CYP2J2: variants seen among roughly 807,000 people sequenced by gnomAD.
The protein encoded by CYP2J2 is cytochrome P450 family 2 subfamily J member 2, also known as cytochrome P450 2J2.
CYP2J2 carries 41 observed loss-of-function variants against 48.8 expected under a neutral mutation model. The observed-to-expected ratio is 0.84, with a 90% CI of 0.66 to 1.09. The LOEUF is 1.09. Ranked by LOEUF, CYP2J2 falls within the 50% of genes least tolerant of loss-of-function variation. The probability of loss-of-function intolerance (pLI) is 0.00; values close to 1 mark genes in which losing one functional copy is unlikely to be tolerated. For synonymous variants in CYP2J2, 221 were observed against 227.1 expected (o/e 0.97, Z 0.24); for missense variants, 644 against 617.3 (o/e 1.04, Z -0.46).
At chr1:59,927,053 C>A (rs1358407481), upstream of CYP2J2, among the ~76,000 whole-genome samples, 1 of 152,176 alleles carries the variant, frequency 6.6e-6, no homozygotes, top group Non-Finnish European at 1.5e-5. Context: ...TGGTAAACAG[C>A]GATAACAACA....
chr1:59,945,340 ATCT>A, the CYP2J2 span, among the ~76,000 whole-genome samples: 1 of 151,882 alleles, frequency 6.6e-6, no homozygotes, highest in Non-Finnish European at 1.5e-5. Context: ...TAACTAATCT[ATCT>A]TCTTCCTACT....
chr1:59,954,897 G>A, the CYP2J2 span, among the ~76,000 whole-genome samples: 1 of 152,118 alleles, frequency 6.6e-6, no homozygotes, highest in South Asian at 2.1e-4. Context: ...AGCACTTTGG[G>A]AGGATGAGGT....
intron 8 of CYP2J2, 127 bp downstream of exon 8, chr1:59,900,838 A>C: frequency 2.8e-6 from 3 of 1,070,530 alleles, no homozygotes; most frequent in Non-Finnish European, 4.1e-6. Context: ...CTACAGCAAG[A>C]TGGAGTGAGT....
At chr1:59,933,127 A>C in the CYP2J2 span, among the ~76,000 whole-genome samples, 1 of 152,236 alleles carries the variant, frequency 6.6e-6, no homozygotes, top group African/African-American at 2.4e-5. Flanking sequence ...AGGTACTTGC[A>C]CTACCCATAA....
At chr1:59,907,706 C>A in intron 6 of CYP2J2, 80 bp downstream of exon 6, 1 of 1,502,954 alleles carries the variant, frequency 6.7e-7, no homozygotes, top group South Asian at 1.2e-5. Flanking sequence ...ACAATGCTAT[C>A]TTCTGGCCCC....
chr1:59,969,003 T>C, the CYP2J2 span, among the ~76,000 whole-genome samples: 4 of 151,876 alleles, frequency 2.6e-5, no homozygotes, highest in East Asian at 1.9e-4. Context: ...TCGCCGTGAG[T>C]GTTAACAGCT....
At chr1:59,958,034 C>A in the CYP2J2 span, among the ~76,000 whole-genome samples, 2 of 152,138 alleles carry the variant, frequency 1.3e-5, no homozygotes, top group East Asian at 3.9e-4. Context: ...CTTGACAAGA[C>A]AATATGGTCT....
At chr1:59,945,088 T>G in the CYP2J2 span, among the ~76,000 whole-genome samples, 1 of 152,156 alleles carries the variant, frequency 6.6e-6, no homozygotes, top group Non-Finnish European at 1.5e-5. Context: ...TCAAACTTTT[T>G]TGGGGAGTGG....
chr1:59,902,334 G>C (rs1352959071), intron 7 of CYP2J2, among the ~76,000 whole-genome samples: 1 of 152,034 alleles, frequency 6.6e-6, no homozygotes, highest in African/African-American at 2.4e-5. Flanking sequence ...AGCATTTCAG[G>C]TATGTAGTGT....
chr1:59,907,357 G>A (rs1367355131), intron 6 of CYP2J2, among the ~76,000 whole-genome samples: 1 of 152,166 alleles, frequency 6.6e-6, no homozygotes, highest in African/African-American at 2.4e-5. Flanking sequence ...TGGAGGGTAG[G>A]TGCGGCCAAG....
chr1:59,965,627 G>C, the CYP2J2 span, among the ~76,000 whole-genome samples: 69 of 152,290 alleles, frequency 4.5e-4, 1 homozygote, highest in East Asian at 0.01. Flanking sequence ...ACTTGGTGCT[G>C]TGGCATTACT....
chr1:59,950,280 C>T, the CYP2J2 span, among the ~76,000 whole-genome samples: 1 of 152,148 alleles, frequency 6.6e-6, no homozygotes, highest in Non-Finnish European at 1.5e-5. Context: ...TAAGTAGGTA[C>T]AGGTACAGAA....
the CYP2J2 span, among the ~76,000 whole-genome samples, chr1:59,953,687 G>A: frequency 6.6e-6 from 1 of 152,046 alleles, no homozygotes; most frequent in African/African-American, 2.4e-5. Flanking sequence ...GCCACGTGAG[G>A]GTATTAGAGA....
intron 1 of CYP2J2, among the ~76,000 whole-genome samples, chr1:59,919,424 TGTGTGCACATGTGCAC>T (rs1452359375): frequency 1.3e-5 from 2 of 152,212 alleles, no homozygotes; most frequent in African/African-American, 2.4e-5. Context: ...TGTATGTGTG[TGTGTGCACATGTGCAC>T]GTGTGCACGC....
Position 59,926,681 on chromosome 1 carries a change from T to C in CYP2J2, c.66A>G (p.Leu22=). 2 of 1,614,136 alleles carry C rather than the reference T, an allele frequency of 1.2e-6. No individual in the cohort carries two copies. The highest frequency in any genetic ancestry group is 8.5e-7 in the Non-Finnish European group (1 of 1,179,982). Residue 22 remains leucine, a synonymous_variant, in exon 1 of 9, where the codon CTA becomes CTG. Transcript: ENST00000371204. The part of the protein sequence containing the change: ...LWAVVHPRTL[L]LGTVAFLLAA... ...CGAGCAGAAAGGCGACAGTGCCCAG[T>C]AGGAGAGTCCGAGGATGGACCACTG... is the stretch of plus-strand genomic sequence containing the variant.
At chr1:59,932,401 T>C in the CYP2J2 span, among the ~76,000 whole-genome samples, 3 of 152,082 alleles carry the variant, frequency 2.0e-5, no homozygotes, top group Admixed American at 1.3e-4. Context: ...CAATTTAGAG[T>C]GTTTTGTGTT....
chr1:59,915,934 T>G lies in CYP2J2; in HGVS notation c.373+4A>C. The G allele has an allele frequency of 2.5e-6, 4 of 1,611,552 alleles. No individual in the cohort carries two copies. Among genetic ancestry groups the G allele is most frequent in the Non-Finnish European group, 3.4e-6 (4 of 1,179,054 alleles). On this transcript the variant is annotated splice_donor_region_variant and intron_variant, in intron 2 of 8. Coordinates refer to ENST00000371204, the MANE Select transcript of CYP2J2 (RefSeq NM_000775.4). ...ACTCACCTTTCGTTGGCCAAGAAAC[T>G]TACCATTTTTCTTAAAGATATGTTC... is the stretch of plus-strand genomic sequence containing the variant.
upstream of CYP2J2, among the ~76,000 whole-genome samples, chr1:59,929,776 T>A (rs1472075064): frequency 1.3e-5 from 2 of 152,090 alleles, no homozygotes; most frequent in Admixed American, 1.3e-4. Flanking sequence ...GGGACATCAC[T>A]AAACACACCA....
chr1:59,940,204 C>T, the CYP2J2 span, among the ~76,000 whole-genome samples: 1 of 152,188 alleles, frequency 6.6e-6, no homozygotes, highest in African/African-American at 2.4e-5. Context: ...GCCAGAAAGT[C>T]GCAGAGTCTC....
Sources: gnomAD v4.1 joint callset for allele counts (sites outside exome capture counted in the v4.1 genomes callset) on GRCh38, gnomAD v4.1.1 for gene constraint, MANE v1.5 for transcripts, NCBI Gene and HGNC (gene_info 2026-07-23, HGNC 2026-07-21) for gene names.